The following PTPRT variants were observed in gnomAD, a reference collection of about 807,000 sequenced individuals.
PTPRT encodes the protein receptor-type tyrosine-protein phosphatase T.
PTPRT carries 56 observed loss-of-function variants against 176.8 expected under a neutral mutation model. The ratio of observed to expected loss-of-function variants is 0.32; its 90% CI spans 0.26 to 0.40. The LOEUF is 0.40. Among genes scored for constraint, PTPRT ranks in the 10% least tolerant of loss-of-function variants. The pLI is 1.00. For synonymous variants in PTPRT, 783 were observed against 739.0 expected, an observed-to-expected ratio of 1.06 and a Z score of -0.96; for missense variants, 1,540 against 1,908.2, an observed-to-expected ratio of 0.81 and a Z score of 3.60.
intron 7 of PTPRT, among the ~76,000 whole-genome samples, chr20:42,600,917 G>T (rs2073769337): frequency 6.6e-6 from 1 of 152,164 alleles, no homozygotes; most frequent in Non-Finnish European, 1.5e-5. Flanking sequence ...CAAGGAATAT[G>T]TGAGTACACC....
At chr20:42,317,294 T>C (rs1048524082) in intron 11 of PTPRT, among the ~76,000 whole-genome samples, 1 of 152,220 alleles carries the variant, frequency 6.6e-6, no homozygotes, top group African/African-American at 2.4e-5. Flanking sequence ...TATCAACTGA[T>C]ACCCAATGTT....
chr20:42,169,791 C>CA (rs1555795465), intron 16 of PTPRT, among the ~76,000 whole-genome samples: 2 of 98,306 alleles, frequency 2.0e-5, no homozygotes, highest in African/African-American at 6.6e-5. Context: ...CACACACACA[C>CA]AACAGTCAGT....
intron 7 of PTPRT, among the ~76,000 whole-genome samples, chr20:42,662,673 T>C (rs753751143): frequency 4.6e-5 from 7 of 151,900 alleles, no homozygotes; most frequent in Non-Finnish European, 1.0e-4. Flanking sequence ...TCCTAAGGAG[T>C]GAATCTAGCA....
chr20:42,321,742 A>AC (rs1213763380), intron 11 of PTPRT, among the ~76,000 whole-genome samples: 1 of 152,198 alleles, frequency 6.6e-6, no homozygotes. Flanking sequence ...CATTGCTTCT[A>AC]ATACCATACT....
intron 1 of PTPRT, among the ~76,000 whole-genome samples, chr20:42,954,063 T>C (rs539377832): frequency 4.0e-4 from 61 of 152,178 alleles, no homozygotes; most frequent in African/African-American, 1.4e-3. Context: ...AGACCTCCCG[T>C]GGGATGGCTG....
At chr20:43,076,322 C>T (rs1219173911) in intron 1 of PTPRT, among the ~76,000 whole-genome samples, 2 of 151,936 alleles carry the variant, frequency 1.3e-5, no homozygotes, top group Non-Finnish European at 1.5e-5. Flanking sequence ...CACGGTAAGT[C>T]GCCTTAATTA....
intron 17 of PTPRT, among the ~76,000 whole-genome samples, chr20:42,159,086 G>A (rs1600607174): frequency 6.7e-6 from 1 of 149,018 alleles, no homozygotes; most frequent in Admixed American, 6.7e-5. Flanking sequence ...GTGTTTCTCA[G>A]CATTTGGCTA....
At chr20:42,206,675 TCAAA>T (rs1235053718) in intron 15 of PTPRT, among the ~76,000 whole-genome samples, 1 of 151,910 alleles carries the variant, frequency 6.6e-6, no homozygotes, top group Non-Finnish European at 1.5e-5. Flanking sequence ...CAGTCTGAGA[TCAAA>T]CTGCAAGGTG....
chr20:42,096,369 G>A (rs932786649), intron 27 of PTPRT, among the ~76,000 whole-genome samples: 1 of 152,110 alleles, frequency 6.6e-6, no homozygotes, highest in African/African-American at 2.4e-5. Flanking sequence ...TCAGGAGGCC[G>A]AGGCAGGGGG....
intron 8 of PTPRT, among the ~76,000 whole-genome samples, chr20:42,468,623 T>C (rs1439824458): frequency 6.6e-6 from 1 of 152,230 alleles, no homozygotes; most frequent in Non-Finnish European, 1.5e-5. Flanking sequence ...ATAAAGGCTT[T>C]TTTTTCTTGG....
chr20:42,854,832 A>G (rs1044791379), intron 2 of PTPRT, among the ~76,000 whole-genome samples: 2 of 152,228 alleles, frequency 1.3e-5, no homozygotes, highest in Non-Finnish European at 2.9e-5. Context: ...ATTAAATTAA[A>G]TTAGATCAGT....
Position 42,619,964 on chromosome 20 carries a change from C to T in PTPRT, c.1153+57902G>A, listed in dbSNP as rs991995852. Among the ~76,000 whole-genome samples, 19 of 149,156 alleles carry T rather than the reference C, an allele frequency of 1.3e-4. 1 individual carries two copies. The highest frequency in any genetic ancestry group is 4.6e-4 in the African/African-American group (18 of 39,304). ...CTCGTCAAAGTCATTCTGCATCCAGCTTTGTTCCGTTGCTGGTGAGGAACT... is the reference window on the plus strand; with the variant it reads ...CTCGTCAAAGTCATTCTGCATCCAGTTTTGTTCCGTTGCTGGTGAGGAACT... On this transcript the variant is annotated intron_variant, in intron 7 of 30. Coordinates refer to ENST00000373187, the MANE Select transcript of PTPRT (RefSeq NM_007050.6).
intron 7 of PTPRT, among the ~76,000 whole-genome samples, chr20:42,525,508 G>A (rs574259535): frequency 2.7e-4 from 41 of 152,112 alleles, no homozygotes; most frequent in African/African-American, 9.9e-4. Flanking sequence ...TTTCACTTTT[G>A]TCCCCTGGAT....
chr20:42,258,512 A>G (rs1462137979), intron 13 of PTPRT, among the ~76,000 whole-genome samples: 2 of 152,162 alleles, frequency 1.3e-5, no homozygotes, highest in African/African-American at 4.8e-5. Context: ...AAACCATCCC[A>G]TATAATTCCA....
At chr20:42,109,856 C>CAACA (rs745483610) in intron 23 of PTPRT, among the ~76,000 whole-genome samples, 3 of 152,156 alleles carry the variant, frequency 2.0e-5, no homozygotes, top group Non-Finnish European at 4.4e-5. Flanking sequence ...TTTCAGGCAA[C>CAACA]AACAGTAACA....
intron 1 of PTPRT, among the ~76,000 whole-genome samples, chr20:43,162,110 C>G (rs2146442834): frequency 6.6e-6 from 1 of 152,186 alleles, no homozygotes; most frequent in Middle Eastern, 3.4e-3. Flanking sequence ...GGAGGTTGTT[C>G]AGTAAAACAA....
chr20:42,604,169 C>A (rs1457846926), intron 7 of PTPRT, among the ~76,000 whole-genome samples: 1 of 152,170 alleles, frequency 6.6e-6, no homozygotes, highest in Non-Finnish European at 1.5e-5. Context: ...TGAAGCTGGA[C>A]GGCCTTGAGT....
chr20:42,089,068 G>T (rs1039901015), intron 27 of PTPRT, among the ~76,000 whole-genome samples: 1 of 152,120 alleles, frequency 6.6e-6, no homozygotes, highest in African/African-American at 2.4e-5. Context: ...TCTCCACTGG[G>T]GGTTAACCAA....
intron 11 of PTPRT, among the ~76,000 whole-genome samples, chr20:42,340,212 T>G (rs751700936): frequency 6.6e-6 from 1 of 152,204 alleles, no homozygotes; most frequent in African/African-American, 2.4e-5. Context: ...AATAGCCACA[T>G]GTAGCTATTA....
Sources: allele counts gnomAD v4.1 joint callset (sites outside exome capture counted in the v4.1 genomes callset), GRCh38; gene constraint gnomAD v4.1.1; transcripts MANE v1.5; gene names NCBI Gene and HGNC (gene_info 2026-07-23, HGNC 2026-07-21).